Variants in NR3C2 observed in about 807,000 individuals in gnomAD.
NR3C2 encodes the protein nuclear receptor subfamily 3 group C member 2.
In NR3C2, 15 loss-of-function variants were observed where a neutral mutation model predicts 86.4. The observed-to-expected ratio is 0.17, with a 90% CI of 0.12 to 0.27. The LOEUF (loss-of-function observed/expected upper bound fraction) is 0.27. NR3C2 is among the 10% of genes least tolerant of loss of function. NR3C2 has a pLI of 1.00. For synonymous variants in NR3C2, 458 were observed against 450.5 expected, an observed-to-expected ratio of 1.02 and a Z score of -0.21; for missense variants, 960 against 1,195.6, an observed-to-expected ratio of 0.80 and a Z score of 2.91.
chr4:148,184,188 C>A (rs538722532), intron 4 of NR3C2, among the ~76,000 whole-genome samples: 3 of 151,896 alleles, frequency 2.0e-5, no homozygotes, highest in East Asian at 1.9e-4. Flanking sequence ...CGGTAGCTCA[C>A]GCCTGTAATC....
At chr4:148,087,131 A>G (rs530429325) in intron 8 of NR3C2, among the ~76,000 whole-genome samples, 1 of 152,348 alleles carries the variant, frequency 6.6e-6, no homozygotes, top group African/African-American at 2.4e-5. Context: ...CCAATAATAG[A>G]CAAACAGCCA....
At position 148,154,849 on chromosome 4, in the gene NR3C2, T is replaced by G; in HGVS notation, c.2067A>C (p.Pro689=). 1 of 1,590,552 alleles carries G rather than the reference T, an allele frequency of 6.3e-7. No individual in the cohort carries two copies. The highest frequency in any genetic ancestry group is 1.3e-5 in the African/African-American group (1 of 74,836). Residue 689 remains proline, a synonymous_variant, in exon 5 of 9, where the codon CCA becomes CCC. Coordinates refer to ENST00000358102, the MANE Select transcript of NR3C2 (RefSeq NM_000901.5). ...GKLKGIHEEQ[P]QQQQPPPPPP... The stretch of plus-strand genomic sequence containing the variant: ...GTGGGGGTGGGGGCTGCTGCTGCTG[T>G]GGCTGCTCCTCGTGAATCCCTTTTA...
At chr4:148,089,194 A>T (rs932413760) in intron 8 of NR3C2, among the ~76,000 whole-genome samples, 4 of 152,202 alleles carry the variant, frequency 2.6e-5, no homozygotes, top group Non-Finnish European at 4.4e-5. Flanking sequence ...AAAAACTGTC[A>T]TGCTTCTGTT....
chr4:148,395,825 G>A (rs1395185166), intron 2 of NR3C2, among the ~76,000 whole-genome samples: 1 of 152,142 alleles, frequency 6.6e-6, no homozygotes, highest in African/African-American at 2.4e-5. Flanking sequence ...ATCCTAAGGG[G>A]CACCATATTT....
rs1373596052 is a variant in NR3C2, at chr4:148,114,116, G to A, written c.2787C>T (p.Asp929=). 2.5e-6 allele frequency: 4 copies of A among 1,613,520 alleles called. No individual in the cohort carries two copies. The East Asian group carries it at 8.9e-5, about 36-fold the overall frequency. ...QRFYQLTKLL[D]SMHDLVSDLL... ...GGGCTCTACTCACGTCATGCATGGA[G>A]TCCAGCAGCTTGGTCAGTTGGTAGA... The change falls in exon 8 of 9, where the codon GAC becomes GAT. Residue 929 remains aspartate, a synonymous_variant. Transcript: ENST00000358102.
chr4:148,300,075 T>C (rs975564793), intron 2 of NR3C2, among the ~76,000 whole-genome samples: 2 of 152,196 alleles, frequency 1.3e-5, no homozygotes, highest in African/African-American at 4.8e-5. Context: ...CCCAGGACTC[T>C]ACAGGCCCAC....
chr4:148,441,361 C>T (rs1478051668), intron 1 of NR3C2, among the ~76,000 whole-genome samples: 3 of 152,196 alleles, frequency 2.0e-5, no homozygotes, highest in Non-Finnish European at 4.4e-5. Context: ...ATGTAAATAT[C>T]ATCAATAACA....
intron 3 of NR3C2, among the ~76,000 whole-genome samples, chr4:148,212,162 TA>T (rs577979945): frequency 3.4e-4 from 52 of 152,360 alleles, no homozygotes; most frequent in African/African-American, 1.1e-3. Flanking sequence ...TTATCTTAAT[TA>T]AGCTTTGCAA....
At chr4:148,325,122 G>C (rs991046129) in intron 2 of NR3C2, among the ~76,000 whole-genome samples, 4 of 143,068 alleles carry the variant, frequency 2.8e-5, no homozygotes, top group Admixed American at 6.8e-5. Context: ...GAGAGAGAGA[G>C]AGGGAGAGAG....
chr4:148,156,856 G>A (rs868422288), intron 4 of NR3C2, among the ~76,000 whole-genome samples: 5 of 152,136 alleles, frequency 3.3e-5, no homozygotes, highest in Admixed American at 6.5e-5. Context: ...ACATGCACAC[G>A]TATGTTTATT....
chr4:148,377,890 A>C (rs748292966), intron 2 of NR3C2, among the ~76,000 whole-genome samples: 2 of 152,174 alleles, frequency 1.3e-5, no homozygotes, highest in Non-Finnish European at 2.9e-5. Context: ...GAGACAGCAG[A>C]ACCTGAGAAA....
At chr4:148,294,095 G>A (rs926639957) in intron 2 of NR3C2, among the ~76,000 whole-genome samples, 5 of 152,166 alleles carry the variant, frequency 3.3e-5, no homozygotes, top group Non-Finnish European at 7.3e-5. Flanking sequence ...GAAATTACTG[G>A]TGAGTACAAG....
chr4:148,332,202 CAGAAAA>C (rs1322535718), intron 2 of NR3C2, among the ~76,000 whole-genome samples: 1 of 152,074 alleles, frequency 6.6e-6, no homozygotes, highest in Non-Finnish European at 1.5e-5. Context: ...AAATAAAACT[CAGAAAA>C]AGAAATATGT....
intron 2 of NR3C2, among the ~76,000 whole-genome samples, chr4:148,353,882 G>A (rs1745422871): frequency 1.3e-5 from 2 of 152,108 alleles, no homozygotes; most frequent in Non-Finnish European, 2.9e-5. Context: ...TCCTAGTGAT[G>A]TCCATTGCAT....
intron 4 of NR3C2, among the ~76,000 whole-genome samples, chr4:148,157,846 T>C (rs969564402): frequency 3.9e-5 from 6 of 152,340 alleles, no homozygotes; most frequent in African/African-American, 1.4e-4. Context: ...TTTGTGTTTA[T>C]AATTATAGCC....
chr4:148,353,178 T>TAACTA (rs1745382245), intron 2 of NR3C2, among the ~76,000 whole-genome samples: 1 of 152,144 alleles, frequency 6.6e-6, no homozygotes, highest in Admixed American at 6.6e-5. Flanking sequence ...AGTATTTTAG[T>TAACTA]ATTTATTTAT....
chr4:148,319,117 C>G (rs1445074151), intron 2 of NR3C2, among the ~76,000 whole-genome samples: 1 of 151,494 alleles, frequency 6.6e-6, no homozygotes, highest in Non-Finnish European at 1.5e-5. Context: ...TTCCCAGCAC[C>G]ATTTATTAAA....
At chr4:148,363,053 G>A (rs1468491352) in intron 2 of NR3C2, among the ~76,000 whole-genome samples, 1 of 152,148 alleles carries the variant, frequency 6.6e-6, no homozygotes, top group African/African-American at 2.4e-5. Context: ...AGGTGACAAC[G>A]TTGCCTTGCC....
chr4:148,384,060 C>T (rs1747141473), intron 2 of NR3C2, among the ~76,000 whole-genome samples: 1 of 151,598 alleles, frequency 6.6e-6, no homozygotes, highest in African/African-American at 2.4e-5. Context: ...CCAGGATTCA[C>T]TGGCAATTAC....
Sources: allele counts gnomAD v4.1 joint callset (sites outside exome capture counted in the v4.1 genomes callset), GRCh38; gene constraint gnomAD v4.1.1; transcripts MANE v1.5; gene names NCBI Gene and HGNC (gene_info 2026-07-23, HGNC 2026-07-21).